Variants in ABCA12 observed in about 807,000 individuals in gnomAD.
ABCA12 encodes glucosylceramide transporter ABCA12.
In ABCA12, 156 loss-of-function variants were observed where a neutral mutation model predicts 293.5. That is an observed-to-expected ratio of 0.53 (90% CI 0.47 to 0.61). The LOEUF is 0.61. Ranked by LOEUF, ABCA12 falls within the 20% of genes least tolerant of loss-of-function variation. The pLI, the probability that ABCA12 is intolerant of heterozygous loss-of-function variation, is 0.00. For synonymous variants in ABCA12, 1,063 were observed against 1,108.0 expected (o/e 0.96, Z 0.81); for missense variants, 2,797 against 3,090.2 (o/e 0.91, Z 2.25).
At chr2:215,040,563 C>T (rs1701077744) in intron 7 of ABCA12, among the ~76,000 whole-genome samples, 1 of 152,180 alleles carries the variant, frequency 6.6e-6, no homozygotes, top group South Asian at 2.1e-4. Context: ...AATCCCAGCA[C>T]TTTGGGAGGC....
intron 2 of ABCA12, among the ~76,000 whole-genome samples, chr2:215,078,594 C>T (rs1158226357): frequency 6.6e-6 from 1 of 151,478 alleles, no homozygotes; most frequent in Non-Finnish European, 1.5e-5. Context: ...GTGTCTACAC[C>T]CACAATGGAG....
intron 4 of ABCA12, among the ~76,000 whole-genome samples, chr2:215,053,633 C>T (rs528133455): frequency 3.4e-5 from 5 of 149,088 alleles, no homozygotes; most frequent in African/African-American, 9.8e-5. Context: ...TAACATAGGA[C>T]TTTTTTTTTT....
intron 9 of ABCA12, chr2:215,029,029 T>G (rs1700812688): frequency 6.6e-6 from 1 of 152,148 alleles, no homozygotes; most frequent in Non-Finnish European, 1.5e-5. Context: ...TGAGAATAAT[T>G]ATAAATTTAC....
At chr2:215,053,531 G>A (rs16853254) in intron 4 of ABCA12, among the ~76,000 whole-genome samples, 9,031 of 151,972 alleles carry the variant, frequency 0.059, 888 homozygotes, top group African/African-American at 0.2. Flanking sequence ...TTATTTCTAC[G>A]GTGCTTTAAC....
intron 1 of ABCA12, among the ~76,000 whole-genome samples, chr2:215,113,789 G>A (rs1702625720): frequency 6.6e-6 from 1 of 152,150 alleles, no homozygotes; most frequent in Non-Finnish European, 1.5e-5. Flanking sequence ...GAACCACAGT[G>A]TTATTAGAAG....
At chr2:215,038,806 C>T (rs983779605) in intron 7 of ABCA12, 1 of 152,190 alleles carries the variant, frequency 6.6e-6, no homozygotes, top group African/African-American at 2.4e-5. Context: ...TTATCATTAA[C>T]ATTATTAATT....
rs771938625 is a variant in ABCA12 at position 214,968,763 on chromosome 2, C to T, written c.5735G>A (p.Arg1912His). 3.2e-5 allele frequency: 51 copies of T among 1,613,154 alleles called. No individual in the cohort carries two copies. The highest frequency in any genetic ancestry group is 6.7e-5 in the Admixed American group (4 of 59,954). ...SFGLPLTKDL[R>H]FDITGVPANR... The stretch of plus-strand genomic sequence containing the variant: ...GGCAGGGACTCCTGTTATATCAAAA[C>T]GAAGGTCTTTTGTCAAAGGCAGCCC... Residue 1912 changes from arginine (R) to histidine (H), a missense_variant, in exon 38 of 53, where the codon CGT becomes CAT. Physicochemically the swap from Arg to His is conservative, Grantham distance 29. Coordinates refer to ENST00000272895, the MANE Select transcript of ABCA12 (RefSeq NM_173076.3).
chr2:215,025,851 C>T (rs1050903005), intron 10 of ABCA12, 72 bp from the exon 11 acceptor site: 1 of 1,022,828 alleles, frequency 9.8e-7, no homozygotes, highest in Non-Finnish European at 1.5e-6. Context: ...TGAAAGACAC[C>T]TCTATCCTGA....
At chr2:215,126,833 G>T (rs562218138) in intron 1 of ABCA12, among the ~76,000 whole-genome samples, 1 of 151,868 alleles carries the variant, frequency 6.6e-6, no homozygotes, top group South Asian at 2.1e-4. Flanking sequence ...CTTCTGTTGG[G>T]TTTTGGTTTG....
intron 15 of ABCA12, among the ~76,000 whole-genome samples, chr2:215,014,011 T>A (rs1453480178): frequency 1.3e-5 from 2 of 151,934 alleles, no homozygotes; most frequent in East Asian, 1.9e-4. Context: ...TACAACCCCA[T>A]CCCTATTAAA....
chr2:215,040,379 C>T (rs1443973373), intron 7 of ABCA12, among the ~76,000 whole-genome samples: 3 of 152,006 alleles, frequency 2.0e-5, no homozygotes, highest in Non-Finnish European at 4.4e-5. Context: ...AAAAAATGTT[C>T]AATCATCAGA....
At chr2:215,095,869 T>C (rs556648824) in intron 2 of ABCA12, among the ~76,000 whole-genome samples, 23 of 152,284 alleles carry the variant, frequency 1.5e-4, no homozygotes, top group Admixed American at 6.5e-5. Context: ...CCCCTTTGAC[T>C]GTAATTTTCC....
At chr2:214,932,883 A>C in intron 52 of ABCA12, 142 bp from the exon 53 acceptor site, 1 of 685,736 alleles carries the variant, frequency 1.5e-6, no homozygotes, top group Non-Finnish European at 2.6e-6. Context: ...TAAAATCCAA[A>C]TCCTAGTTTT....
chr2:215,040,348 T>C (rs902351850), intron 7 of ABCA12, among the ~76,000 whole-genome samples: 2 of 152,014 alleles, frequency 1.3e-5, no homozygotes, highest in African/African-American at 4.8e-5. Flanking sequence ...AGAAAACATA[T>C]AAATAGCCAA....
intron 1 of ABCA12, among the ~76,000 whole-genome samples, chr2:215,127,014 G>T (rs1702941487): frequency 6.6e-6 from 1 of 151,960 alleles, no homozygotes; most frequent in Admixed American, 6.6e-5. Context: ...TGAGTTCGAA[G>T]AATTTTTAAA....
At chr2:214,938,597 C>G (rs1266940033) in intron 50 of ABCA12, among the ~76,000 whole-genome samples, 1 of 152,148 alleles carries the variant, frequency 6.6e-6, no homozygotes, top group African/African-American at 2.4e-5. Flanking sequence ...TAAAAGTGTT[C>G]CTATTTCTCC....
chr2:215,034,989 A>T (rs1266971959), intron 8 of ABCA12, among the ~76,000 whole-genome samples: 1 of 152,190 alleles, frequency 6.6e-6, no homozygotes, highest in African/African-American at 2.4e-5. Flanking sequence ...ATTTTCAAAA[A>T]TACTGCTGAA....
At chr2:215,126,983 A>G (rs1702940507) in intron 1 of ABCA12, among the ~76,000 whole-genome samples, 1 of 151,954 alleles carries the variant, frequency 6.6e-6, no homozygotes, top group Non-Finnish European at 1.5e-5. Context: ...AGGTTTCCAT[A>G]GGTTGTGTCA....
chr2:215,063,539 T>G (rs1270002234), intron 3 of ABCA12, among the ~76,000 whole-genome samples: 1 of 152,030 alleles, frequency 6.6e-6, no homozygotes, highest in Non-Finnish European at 1.5e-5. Flanking sequence ...CACCATAAAG[T>G]AGAACATGCA....
Sources: gnomAD v4.1 joint callset for allele counts (sites outside exome capture counted in the v4.1 genomes callset) on GRCh38, gnomAD v4.1.1 for gene constraint, MANE v1.5 for transcripts, NCBI Gene and HGNC (gene_info 2026-07-23, HGNC 2026-07-21) for gene names.